The following CACNA1D variants were observed in gnomAD, a reference collection of about 807,000 sequenced individuals.
CACNA1D encodes voltage-dependent L-type calcium channel subunit alpha-1D.
Under a neutral mutation model 257.1 loss-of-function variants are expected in CACNA1D, and 55 were observed. The ratio of observed to expected loss-of-function variants is 0.21; its 90% CI spans 0.17 to 0.27. The LOEUF (loss-of-function observed/expected upper bound fraction) is 0.27. Among genes scored for constraint, CACNA1D ranks in the 10% least tolerant of loss-of-function variants. The pLI is 1.00. For missense variants in CACNA1D, 1,876 were observed against 2,784.0 expected, an observed-to-expected ratio of 0.67 and a Z score of 7.34; for synonymous variants, 980 against 1,014.9, an observed-to-expected ratio of 0.97 and a Z score of 0.65.
chr3:53,619,455 A>T (rs1035297388), intron 3 of CACNA1D, among the ~76,000 whole-genome samples: 2 of 152,258 alleles, frequency 1.3e-5, no homozygotes, highest in Non-Finnish European at 2.9e-5. Context: ...AATTATAACC[A>T]GTGCTCCTAA....
chr3:53,802,763 G>C (rs145428708), intron 43 of CACNA1D, among the ~76,000 whole-genome samples: 54 of 152,312 alleles, frequency 3.5e-4, no homozygotes, highest in African/African-American at 1.3e-3. Flanking sequence ...CAAGAAAGTG[G>C]AGAAGTCAGA....
chr3:53,786,631 G>C, intron 39 of CACNA1D, 191 bp from the exon 40 acceptor site: 2 of 603,224 alleles, frequency 3.3e-6, no homozygotes, highest in South Asian at 3.9e-5. Context: ...TTGAGCCTTA[G>C]TTGCTTTGCA....
At chr3:53,537,330 C>A (rs2092143591) in intron 3 of CACNA1D, among the ~76,000 whole-genome samples, 1 of 152,018 alleles carries the variant, frequency 6.6e-6, no homozygotes, top group African/African-American at 2.4e-5. Flanking sequence ...CCCTGTGTAC[C>A]CATCATTCAG....
rs559641969 is a variant in CACNA1D at position 53,555,905 on chromosome 3, G to A, written c.483+54185G>A. Among the ~76,000 whole-genome samples, 90 of 152,114 alleles carry A rather than the reference G, an allele frequency of 5.9e-4. 1 individual carries two copies. Among genetic ancestry groups the A allele is most frequent in the Non-Finnish European group, 1.0e-3 (71 of 68,030 alleles). ...TGTGAGCTTTAACATATAAATTGTT[G>A]TATCTCTTACCACAATTAAGATAAC... On this transcript the variant is annotated intron_variant, in intron 3 of 47. Transcript: ENST00000350061.
intron 3 of CACNA1D, among the ~76,000 whole-genome samples, chr3:53,586,897 T>TG (rs772172633): frequency 7.9e-5 from 12 of 152,020 alleles, no homozygotes; most frequent in East Asian, 1.9e-4. Flanking sequence ...TAAGAGACGC[T>TG]GGGGGGGTAA....
intron 3 of CACNA1D, among the ~76,000 whole-genome samples, chr3:53,619,171 C>T (rs1293043580): frequency 6.6e-6 from 1 of 152,226 alleles, no homozygotes; most frequent in Non-Finnish European, 1.5e-5. Flanking sequence ...TTTCCACACC[C>T]TTCCCAACCC....
chr3:53,592,499 G>C (rs1387312093), intron 3 of CACNA1D, among the ~76,000 whole-genome samples: 1 of 152,166 alleles, frequency 6.6e-6, no homozygotes, highest in Non-Finnish European at 1.5e-5. Context: ...AGGTTTTTGG[G>C]AGCAGGGGAC....
At chr3:53,547,780 CT>C (rs1301186558) in intron 3 of CACNA1D, among the ~76,000 whole-genome samples, 2 of 152,260 alleles carry the variant, frequency 1.3e-5, no homozygotes, top group Admixed American at 6.5e-5. Context: ...GAGACTGCAC[CT>C]TCTGTTTGTG....
At chr3:53,732,253 A>G (rs1055108371) in intron 18 of CACNA1D, among the ~76,000 whole-genome samples, 171 bp downstream of exon 18, 2 of 152,246 alleles carry the variant, frequency 1.3e-5, no homozygotes, top group Non-Finnish European at 1.5e-5. Flanking sequence ...CACAGGCAGA[A>G]TGTGTCACTC....
rs138523944 is a variant in CACNA1D at position 53,642,443 on chromosome 3, G to T, written c.484-8336G>T. ...CTGCATGCCAACTCTTATTGCCCCT[G>T]GGATGAGAGCAGGAATGGAGCAGTT... On this transcript the variant is annotated intron_variant, in intron 3 of 47. Transcript: ENST00000350061. Among the ~76,000 whole-genome samples the T allele has an allele frequency of 5.1e-4, 77 of 152,334 alleles. 1 individual carries two copies. The highest frequency in any genetic ancestry group is 1.8e-3 in the African/African-American group (73 of 41,574).
intron 3 of CACNA1D, among the ~76,000 whole-genome samples, chr3:53,543,669 T>C (rs774735499): frequency 6.6e-6 from 1 of 152,226 alleles, no homozygotes; most frequent in Non-Finnish European, 1.5e-5. Flanking sequence ...GCCTGTGACA[T>C]GTACCATTGT....
At chr3:53,639,302 TG>T (rs2093921378) in intron 3 of CACNA1D, among the ~76,000 whole-genome samples, 1 of 151,802 alleles carries the variant, frequency 6.6e-6, no homozygotes, top group Admixed American at 6.6e-5. Flanking sequence ...GATAAGAGGT[TG>T]GAAAGTGATA....
Position 53,613,900 on chromosome 3 carries a change from ATAAC to A in CACNA1D, c.484-36875_484-36872del, listed in dbSNP as rs541041216. 1.6e-4 allele frequency among the ~76,000 whole-genome samples: 24 copies of A among 152,270 alleles called. 1 individual carries two copies. In the South Asian group the frequency reaches 5.0e-3, roughly 32 times the overall value. ...AGACAGAAATCACGTAGTAATTTGAATAACTAAAGTTCAATATAAGAAATTATTA... is the reference window on the plus strand; with the variant it reads ...AGACAGAAATCACGTAGTAATTTGAATAAAGTTCAATATAAGAAATTATTA... On this transcript the variant is annotated intron_variant, in intron 3 of 47. Coordinates refer to ENST00000350061, the MANE Select transcript of CACNA1D (RefSeq NM_001128840.3).
At chr3:53,706,694 T>A (rs554078040) in intron 9 of CACNA1D, among the ~76,000 whole-genome samples, 1 of 152,150 alleles carries the variant, frequency 6.6e-6, no homozygotes, top group Non-Finnish European at 1.5e-5. Context: ...CGGTGAAGTC[T>A]GGGCTTTTAG....
intron 3 of CACNA1D, among the ~76,000 whole-genome samples, chr3:53,555,460 GTTTTTTTTTTT>G (rs372133749): frequency 1.3e-5 from 1 of 78,386 alleles, no homozygotes; most frequent in Non-Finnish European, 2.4e-5. Flanking sequence ...GTGTGTGTGT[GTTTTTTTTTTT>G]TTTTTTTTTT....
chr3:53,620,025 G>A (rs1406922831), intron 3 of CACNA1D, among the ~76,000 whole-genome samples: 1 of 152,194 alleles, frequency 6.6e-6, no homozygotes, highest in African/African-American at 2.4e-5. Context: ...GTGCTATGAA[G>A]AAAATTTATG....
intron 9 of CACNA1D, among the ~76,000 whole-genome samples, chr3:53,708,483 A>G (rs911694861): frequency 1.3e-5 from 2 of 152,122 alleles, no homozygotes; most frequent in Non-Finnish European, 2.9e-5. Flanking sequence ...TGGCACTGGG[A>G]GTAGTTGTCT....
intron 8 of CACNA1D, among the ~76,000 whole-genome samples, chr3:53,690,293 A>G (rs980025347): frequency 2.0e-5 from 3 of 152,182 alleles, no homozygotes; most frequent in African/African-American, 7.2e-5. Context: ...TCAAAGCTCT[A>G]TGCTTTGTCG....
At chr3:53,601,735 C>T (rs911623450) in intron 3 of CACNA1D, among the ~76,000 whole-genome samples, 1 of 152,152 alleles carries the variant, frequency 6.6e-6, no homozygotes, top group African/African-American at 2.4e-5. Flanking sequence ...GAGTCTCACT[C>T]TGTCACCCAG....
Sources: allele counts gnomAD v4.1 joint callset (sites outside exome capture counted in the v4.1 genomes callset), GRCh38; gene constraint gnomAD v4.1.1; transcripts MANE v1.5; gene names NCBI Gene and HGNC (gene_info 2026-07-23, HGNC 2026-07-21).